The following KCTD1 variants were observed in gnomAD, a reference collection of about 807,000 sequenced individuals.
KCTD1 encodes potassium channel tetramerization domain containing 1, also known as BTB/POZ domain-containing protein KCTD1.
In KCTD1, 24 loss-of-function variants were observed where a neutral mutation model predicts 66.0. The ratio of observed to expected loss-of-function variants is 0.36; its 90% CI spans 0.26 to 0.51. The LOEUF (loss-of-function observed/expected upper bound fraction) is 0.51. KCTD1 is among the 20% of genes least tolerant of loss of function. KCTD1 has a pLI of 0.95. For missense variants in KCTD1, 943 were observed against 1,205.2 expected (o/e 0.78, Z 3.22); for synonymous variants, 511 against 517.2 (o/e 0.99, Z 0.16).
intron 1 of KCTD1, among the ~76,000 whole-genome samples, chr18:26,510,179 G>GAAT (rs1429654216): frequency 2.6e-5 from 4 of 152,218 alleles, no homozygotes; most frequent in African/African-American, 9.6e-5. Context: ...ATGTAACACA[G>GAAT]TATTACATTG....
At chr18:26,624,213 AC>A (rs2145023406) in intron 1 of KCTD1, among the ~76,000 whole-genome samples, 1 of 152,234 alleles carries the variant, frequency 6.6e-6, no homozygotes, top group Non-Finnish European at 1.5e-5. Flanking sequence ...AGAAAAGAAA[AC>A]CCCATTTTCT....
chr18:26,548,878 A>C (rs2144846013), upstream of KCTD1: 1 of 997,802 alleles, frequency 1.0e-6, no homozygotes, highest in South Asian at 4.7e-5. Flanking sequence ...GGGGCGAAAC[A>C]CTCCCAACTT....
chr18:26,507,363 G>T (rs1983094470), intron 1 of KCTD1, among the ~76,000 whole-genome samples: 1 of 152,174 alleles, frequency 6.6e-6, no homozygotes, highest in East Asian at 1.9e-4. Context: ...ATTTAGAACT[G>T]AATACAATTT....
chr18:26,499,455 C>G (rs985404947), intron 2 of KCTD1, among the ~76,000 whole-genome samples: 1 of 152,164 alleles, frequency 6.6e-6, no homozygotes, highest in African/African-American at 2.4e-5. Context: ...CTAATACAAT[C>G]ATTTCATTTT....
upstream of KCTD1, chr18:26,657,453 C>T: frequency 1.1e-6 from 1 of 919,028 alleles, no homozygotes; most frequent in Non-Finnish European, 1.3e-6. Flanking sequence ...CTGCTCGGCT[C>T]GCCACACCAG....
At chr18:26,518,883 A>G (rs1023232080) in intron 1 of KCTD1, among the ~76,000 whole-genome samples, 2 of 152,172 alleles carry the variant, frequency 1.3e-5, no homozygotes, top group African/African-American at 4.8e-5. Flanking sequence ...GTGATTCTGA[A>G]CTTACTGTGA....
At chr18:26,651,606 A>G (rs1045875942) in intron 1 of KCTD1, among the ~76,000 whole-genome samples, 1 of 151,996 alleles carries the variant, frequency 6.6e-6, no homozygotes, top group Non-Finnish European at 1.5e-5. Context: ...CAAAATGGTG[A>G]AACCCCACCT....
upstream of KCTD1, among the ~76,000 whole-genome samples, chr18:26,550,725 G>GCCC: frequency 6.6e-6 from 1 of 152,366 alleles, no homozygotes; most frequent in Non-Finnish European, 1.5e-5. This position sits in a 1 kb window ranked among gnomAD's most constrained non-coding sequence, Gnocchi z 5.4. Flanking sequence ...CCCTGGACAC[G>GCCC]TGCAGAAAGG....
intron 1 of KCTD1, among the ~76,000 whole-genome samples, chr18:26,601,818 T>C (rs561579034): frequency 7.2e-5 from 11 of 152,368 alleles, no homozygotes; most frequent in African/African-American, 2.6e-4. Context: ...ATTATTAGTG[T>C]ATACAATTGA....
At position 26,616,275 on chromosome 18, in the gene KCTD1, TC is replaced by T. The variant is rs1188028344; in HGVS notation, c.-16+12871del. 2.0e-5 allele frequency among the ~76,000 whole-genome samples: 3 copies of T among 151,922 alleles called. No individual in the cohort carries two copies. In the East Asian group the frequency reaches 5.8e-4, roughly 29 times the overall value. ...TTGATAGATTGATCAAATGCTTTAATCCCCATCCTCTCCCCTAAATTTACCA... is the reference window on the plus strand; with the variant it reads ...TTGATAGATTGATCAAATGCTTTAATCCCATCCTCTCCCCTAAATTTACCA... On this transcript the variant is annotated intron_variant, in intron 1 of 4. Transcript: ENST00000317932.
chr18:26,516,379 G>A (rs756299554), intron 1 of KCTD1, among the ~76,000 whole-genome samples: 1 of 152,180 alleles, frequency 6.6e-6, no homozygotes, highest in Non-Finnish European at 1.5e-5. Context: ...TTTTGTATGA[G>A]AGAAGTTTGG....
chr18:26,654,460 T>C (rs1159552457), intron 1 of KCTD1, among the ~76,000 whole-genome samples: 6 of 152,154 alleles, frequency 3.9e-5, no homozygotes, highest in Non-Finnish European at 8.8e-5. Context: ...TAAGTAAATA[T>C]GAAACAAGCT....
Position 26,546,973 on chromosome 18 carries a change from C to T in KCTD1, c.1564G>A (p.Val522Ile), listed in dbSNP as rs1377006351. The T allele has an allele frequency of 6.8e-7, 1 of 1,472,238 alleles. No individual in the cohort carries two copies. Among genetic ancestry groups the T allele is most frequent in the Non-Finnish European group, 9.0e-7 (1 of 1,106,104 alleles). 91.2% of individuals were successfully genotyped at this position (1,472,238 alleles called of 1,614,324 possible). A position where few individuals can be genotyped will look rare whatever the true frequency, so the allele number is the denominator to read the frequency against. ...NTYILPKDSQ[V>I]GPDVKSEAAP... ...GCCTCGGATTTCACGTCGGGCCCGA[C>T]CTGGCTGTCTTTGGGGAGGATGTAA... The change falls in exon 1 of 5, where the codon GTC (valine) becomes ATC (isoleucine). Residue 522 changes from valine to isoleucine, a missense_variant. Physicochemically the swap from Val to Ile is conservative, Grantham distance 29 (BLOSUM62 3). Coordinates refer to ENST00000580059, the MANE Select transcript of KCTD1 (RefSeq NM_001142730.3).
At chr18:26,561,759 T>C (rs1336394908) in intron 1 of KCTD1, among the ~76,000 whole-genome samples, 2 of 152,180 alleles carry the variant, frequency 1.3e-5, no homozygotes, top group African/African-American at 4.8e-5. Flanking sequence ...ACTAGAAGGC[T>C]GGATTGAAAC....
chr18:26,502,296 A>G (rs909135965), intron 1 of KCTD1, among the ~76,000 whole-genome samples: 1 of 152,076 alleles, frequency 6.6e-6, no homozygotes, highest in African/African-American at 2.4e-5. Flanking sequence ...TGATCCGCCC[A>G]CCTCGGCCTC....
In KCTD1 at chr18:26,504,969, G is replaced by A. The variant is rs62622491; in HGVS notation, c.1810-3719C>T. ...GCCCAGGATGGCAGAGCTGAGAGCT[G>A]GAAGGAAGCCAGGTCCTCGCTGACA... On this transcript the variant is annotated intron_variant, in intron 1 of 4. Coordinates refer to ENST00000580059, the MANE Select transcript of KCTD1 (RefSeq NM_001142730.3). Among the ~76,000 whole-genome samples the A allele has an allele frequency of 3.5e-3, 537 of 152,338 alleles. 1 individual carries two copies. Among genetic ancestry groups the A allele is most frequent in the South Asian group, 5.0e-3 (24 of 4,830 alleles).
chr18:26,581,406 C>T (rs994930356), intron 1 of KCTD1: 2 of 152,226 alleles, frequency 1.3e-5, no homozygotes, highest in Non-Finnish European at 2.9e-5. Context: ...TATAGGCACA[C>T]ACCATCATGC....
intron 1 of KCTD1, among the ~76,000 whole-genome samples, chr18:26,522,859 CAGAGGG>C (rs1983978722): frequency 6.6e-6 from 1 of 152,050 alleles, no homozygotes; most frequent in African/African-American, 2.4e-5. Context: ...CTGAGGCTTA[CAGAGGG>C]TTCAGTAATT....
chr18:26,563,635 T>G (rs1985913672), intron 1 of KCTD1, among the ~76,000 whole-genome samples: 1 of 152,206 alleles, frequency 6.6e-6, no homozygotes, highest in South Asian at 2.1e-4. Flanking sequence ...GGCGAGTGTA[T>G]GGGCTCTGGC....
Sources: gnomAD v4.1 joint callset for allele counts (sites outside exome capture counted in the v4.1 genomes callset) on GRCh38, gnomAD v4.1.1 for gene constraint, Gnocchi (gnomAD v3.1) non-coding constraint, MANE v1.5 for transcripts, NCBI Gene and HGNC (gene_info 2026-07-23, HGNC 2026-07-21) for gene names.